CFAP74: variants seen among roughly 807,000 people sequenced by gnomAD.
CFAP74 encodes the protein cilia and flagella associated protein 74, also known as cilia- and flagella-associated protein 74.
CFAP74 carries 124 observed loss-of-function variants against 188.9 expected under a neutral mutation model. The observed-to-expected ratio is 0.66, with a 90% confidence interval of 0.57 to 0.76. The LOEUF is 0.76. Ranked by LOEUF, CFAP74 falls within the 30% of genes least tolerant of loss-of-function variation. The pLI is 0.00. For missense variants in CFAP74, 2,198 were observed against 2,165.2 expected, an observed-to-expected ratio of 1.02 and a Z score of -0.30; for synonymous variants, 956 against 916.7, an observed-to-expected ratio of 1.04 and a Z score of -0.77.
At chr1:1,954,201 T>G (rs1191733459) in intron 18 of CFAP74, 1 of 152,284 alleles carries the variant, frequency 6.6e-6, no homozygotes, top group Non-Finnish European at 1.5e-5. Context: ...TGTGACCTCG[T>G]GCTCCTGCGG....
At chr1:1,954,680 A>T (rs963155594) in intron 18 of CFAP74, 1 of 387,246 alleles carries the variant, frequency 2.6e-6, no homozygotes, top group Non-Finnish European at 3.6e-6. Flanking sequence ...GCTACTCAGG[A>T]GCTGAGGCAG....
At chr1:1,941,119 GA>G (rs1653343161) in intron 22 of CFAP74, among the ~76,000 whole-genome samples, 1 of 150,418 alleles carries the variant, frequency 6.6e-6, no homozygotes, top group Admixed American at 6.6e-5. Flanking sequence ...TCTCAAAAAA[GA>G]AAGAAAGAAA....
intron 1 of CFAP74, among the ~76,000 whole-genome samples, 184 bp from the exon 2 acceptor site, chr1:1,991,159 C>T (rs1227295299): frequency 6.6e-6 from 1 of 152,248 alleles, no homozygotes; most frequent in Non-Finnish European, 1.5e-5. Flanking sequence ...CTATCAACCA[C>T]ATGAAGTCCA....
At chr1:1,950,336 AT>A (rs879761291) in intron 18 of CFAP74, among the ~76,000 whole-genome samples, 3,644 of 134,576 alleles carry the variant, frequency 0.027, 90 homozygotes, top group East Asian at 0.091. Context: ...TCTTTTGCCC[AT>A]TTTTTTTTTT....
chr1:1,960,172 CG>C, intron 14 of CFAP74, 142 bp from the exon 15 acceptor site: 2 of 695,244 alleles, frequency 2.9e-6, no homozygotes, highest in East Asian at 3.1e-5. Flanking sequence ...GCCTTCACCC[CG>C]GGGAGTGCTG....
At chr1:1,987,933 T>TTA (rs1194278722) in intron 4 of CFAP74, 3 of 339,792 alleles carry the variant, frequency 8.8e-6, no homozygotes, top group Non-Finnish European at 1.7e-5. Context: ...GGTGCCCGAG[T>TTA]TATGGGCAAG....
At chr1:1,963,357 A>G (rs1235951985) in intron 14 of CFAP74, among the ~76,000 whole-genome samples, 1 of 147,416 alleles carries the variant, frequency 6.8e-6, no homozygotes, top group Admixed American at 6.8e-5. Context: ...AGGCTGAGGC[A>G]GGAGAATCTC....
chr1:1,955,795 A>G lies in CFAP74; in HGVS notation c.2072T>C (p.Phe691Ser). The G allele has an allele frequency of 6.2e-7, 1 of 1,614,182 alleles. No homozygotes were observed. The highest frequency in any genetic ancestry group is 8.5e-7 in the Non-Finnish European group (1 of 1,180,038). ...KSLYDKAATS[F>S]SEQQLEGTES... Reference sequence around the variant, plus strand: ...CGTGCCCTCTAGCTGCTGCTCAGAGAAGCTGGTGGCGGCTTTGTCATACAA... The same window carrying G: ...CGTGCCCTCTAGCTGCTGCTCAGAGGAGCTGGTGGCGGCTTTGTCATACAA... The change falls in exon 18 of 39, where the codon TTC becomes TCC. Residue 691 changes from phenylalanine to serine, a missense_variant. Coordinates refer to ENST00000682832, the MANE Select transcript of CFAP74 (RefSeq NM_001304360.2).
chr1:1,984,542 G>A (rs955930887), intron 6 of CFAP74: 2 of 152,094 alleles, frequency 1.3e-5, no homozygotes, highest in Admixed American at 1.3e-4. Flanking sequence ...CCACACAGGT[G>A]GGGCCACAGT....
chr1:1,952,856 C>T (rs190003593), intron 18 of CFAP74, among the ~76,000 whole-genome samples: 1 of 152,120 alleles, frequency 6.6e-6, no homozygotes, highest in Admixed American at 6.5e-5. Flanking sequence ...TGGAGTCTCC[C>T]TATGTTTCCC....
At chr1:1,998,420 T>C (rs7527169) in intron 1 of CFAP74, among the ~76,000 whole-genome samples, 51,860 of 145,316 alleles carry the variant, frequency 0.36, 9,801 homozygotes, top group African/African-American at 0.53. Context: ...CTTTGAAACA[T>C]GCTAGTCCAG....
At chr1:1,927,118 AG>A in intron 28 of CFAP74, 90 bp from the exon 29 acceptor site, 1 of 1,420,914 alleles carries the variant, frequency 7.0e-7, no homozygotes, top group Non-Finnish European at 9.5e-7. Context: ...TCAGGGTCCC[AG>A]GGTCCCAGGG....
At chr1:1,986,880 G>T in intron 5 of CFAP74, 57 bp downstream of exon 5, 1 of 1,460,306 alleles carries the variant, frequency 6.8e-7, no homozygotes, top group Non-Finnish European at 9.4e-7. Context: ...GTGAACCAGT[G>T]AACCTCCGGC....
In CFAP74 at chr1:1,968,378, C is replaced by T. The variant is rs1019649909; in HGVS notation, c.1245+257G>A. Among the ~76,000 whole-genome samples, 1 of 151,894 alleles carries T rather than the reference C, an allele frequency of 6.6e-6. No individual in the cohort carries two copies. The highest frequency in any genetic ancestry group is 1.5e-5 in the Non-Finnish European group (1 of 67,932). On this transcript the variant is annotated intron_variant, in intron 11 of 38. Coordinates refer to ENST00000682832, the MANE Select transcript of CFAP74 (RefSeq NM_001304360.2). This position sits in a 1 kb window ranked among gnomAD's most constrained non-coding sequence, Gnocchi z 4.3. ...TGGGGGTGACGCAGGGTCTGGTGGGCACACCGAGACCAGGAGGACACTGGA... is the reference window on the plus strand; with the variant it reads ...TGGGGGTGACGCAGGGTCTGGTGGGTACACCGAGACCAGGAGGACACTGGA...
At chr1:1,976,300 C>T (rs115193218) in intron 6 of CFAP74, among the ~76,000 whole-genome samples, 3,312 of 152,216 alleles carry the variant, frequency 0.022, 55 homozygotes, top group African/African-American at 0.03. Context: ...GGTCGTGGGG[C>T]GGCTCCCTCA....
At chr1:1,982,601 C>G (rs540622815) in intron 6 of CFAP74, among the ~76,000 whole-genome samples, 1 of 152,260 alleles carries the variant, frequency 6.6e-6, no homozygotes, top group Admixed American at 6.5e-5. Context: ...ATGCAGGGAA[C>G]GTTCCAGATG....
chr1:1,938,801 C>A, intron 25 of CFAP74, 54 bp downstream of exon 25: 1 of 1,518,720 alleles, frequency 6.6e-7, no homozygotes, highest in South Asian at 1.2e-5. Flanking sequence ...AAGGGGGGCC[C>A]CTCCTGAGCG....
At chr1:1,930,893 A>G (rs1276103523) in intron 25 of CFAP74, among the ~76,000 whole-genome samples, 1 of 152,210 alleles carries the variant, frequency 6.6e-6, no homozygotes, top group African/African-American at 2.4e-5. Context: ...GCCACCATCT[A>G]TTAAAAAGAG....
Position 1,923,075 on chromosome 1 carries a change from G to T in CFAP74, c.4593C>A (p.Tyr1531Ter). The change falls in exon 37 of 39, where the codon TAC (tyrosine) becomes TAA (stop). Residue 1531 changes from tyrosine (Y) to a stop codon, truncating the protein, a stop_gained. Transcript: ENST00000682832. LOFTEE classifies it high-confidence loss of function. This position sits in a 1 kb window ranked among gnomAD's most constrained non-coding sequence, Gnocchi z 6.3. ...CTGGCGTGTCTGTGTCAAACTGGAT[G>T]TAGTCCAGGGTCACCAGGATGGGCC... is the stretch of plus-strand genomic sequence containing the variant. ...ELRPILVTLD[Y>*]IQFDTDTPAP... 6.2e-7 allele frequency: 1 copy of T among 1,608,706 alleles called. No homozygotes were observed. Among genetic ancestry groups the T allele is most frequent in the Non-Finnish European group, 8.5e-7 (1 of 1,178,840 alleles).
Sources: allele counts gnomAD v4.1 joint callset (sites outside exome capture counted in the v4.1 genomes callset), GRCh38; gene constraint gnomAD v4.1.1; non-coding constraint Gnocchi (gnomAD v3.1); transcripts MANE v1.5; gene names NCBI Gene and HGNC (gene_info 2026-07-23, HGNC 2026-07-21).